Variants in MGAM2 observed in about 807,000 individuals in gnomAD.
MGAM2 encodes the protein maltase-glucoamylase 2 (putative), also known as probable maltase-glucoamylase 2.
Under a neutral mutation model 96.1 loss-of-function variants are expected in MGAM2, and 98 were observed. The observed-to-expected ratio is 1.02, with a 90% CI of 0.87 to 1.21. MGAM2 has a LOEUF of 1.21. MGAM2 is among the 50% of genes most tolerant of loss of function. The pLI is 0.00. For synonymous variants in MGAM2, 749 were observed against 414.8 expected, an observed-to-expected ratio of 1.81 and a Z score of -9.79; for missense variants, 2,055 against 1,182.4, an observed-to-expected ratio of 1.74 and a Z score of -10.82.
Position 142,161,126 on chromosome 7 carries a change from C to T in MGAM2, c.2347C>T (p.Arg783Trp), listed in dbSNP as rs764584921. Residue 783 changes from arginine (R) to tryptophan (W), a missense_variant and splice_region_variant, in exon 22 of 48, where the codon CGG becomes TGG. By Grantham distance (101) the Arg-to-Trp change is moderately radical. Transcript: ENST00000477922. ...AAACTGGGAAGTACTCTTTTACAGC[C>T]GGAGGAATTCCCTGGGACTCATCAT... ...QKPNTTTEASRRNSLGLIIAL... is the reference protein window; with the variant it reads ...QKPNTTTEASWRNSLGLIIAL... 1.1e-4 allele frequency: 74 copies of T among 702,208 alleles called. No homozygotes were observed. Among genetic ancestry groups the T allele is most frequent in the African/African-American group, 7.2e-4 (41 of 57,202 alleles). 43.5% of individuals were successfully genotyped at this position (702,208 alleles called of 1,614,324 possible).
intron 45 of MGAM2, among the ~76,000 whole-genome samples, chr7:142,202,239 C>T (rs550191992): frequency 5.9e-5 from 9 of 152,240 alleles, no homozygotes; most frequent in South Asian, 4.1e-4. Context: ...TATCCATAGG[C>T]GGTTGGTTCC....
chr7:142,168,614 T>A (rs1307986551), intron 26 of MGAM2, among the ~76,000 whole-genome samples: 1 of 152,148 alleles, frequency 6.6e-6, no homozygotes, highest in East Asian at 1.9e-4. Context: ...AGGCTGATGC[T>A]GCAGGTCAAG....
intron 31 of MGAM2, among the ~76,000 whole-genome samples, chr7:142,173,614 T>G (rs1171036538): frequency 6.6e-6 from 1 of 152,212 alleles, no homozygotes; most frequent in African/African-American, 2.4e-5. Context: ...CTTTTCCAAA[T>G]TTTGGCTTAT....
chr7:142,156,373 G>A (rs1016449083), intron 17 of MGAM2, among the ~76,000 whole-genome samples: 10 of 152,052 alleles, frequency 6.6e-5, no homozygotes, highest in South Asian at 2.1e-4. Context: ...GTAGCATATC[G>A]CAATTTGTAT....
chr7:142,155,698 G>A (rs1795714130), intron 17 of MGAM2, among the ~76,000 whole-genome samples: 1 of 152,150 alleles, frequency 6.6e-6, no homozygotes, highest in Non-Finnish European at 1.5e-5. Context: ...AGGTGGGTGG[G>A]TGCTCTTCAT....
chr7:142,164,417 C>G (rs541600971), intron 23 of MGAM2, among the ~76,000 whole-genome samples: 10 of 152,284 alleles, frequency 6.6e-5, no homozygotes, highest in Non-Finnish European at 1.3e-4. Context: ...GTGCCTGTCA[C>G]ATAATACACA....
intron 1 of MGAM2, among the ~76,000 whole-genome samples, chr7:142,113,709 C>T (rs1778432103): frequency 6.6e-6 from 1 of 151,938 alleles, no homozygotes; most frequent in African/African-American, 2.4e-5. Flanking sequence ...AATCTAAATC[C>T]CTGGGCTAGA....
At chr7:142,198,316 G>C in intron 43 of MGAM2, 121 bp downstream of exon 43, 1 of 620,498 alleles carries the variant, frequency 1.6e-6, no homozygotes. Context: ...TTTAGCCTTG[G>C]CAAGGCTTGT....
chr7:142,153,744 T>C (rs1795651439), intron 15 of MGAM2, among the ~76,000 whole-genome samples: 1 of 152,188 alleles, frequency 6.6e-6, no homozygotes, highest in Admixed American at 6.5e-5. Context: ...CAGATCCAAC[T>C]AGACAGAGAA....
chr7:142,117,010 G>A (rs1206619258), intron 2 of MGAM2, 31 bp downstream of exon 2: 1 of 702,708 alleles, frequency 1.4e-6, no homozygotes, highest in Non-Finnish European at 2.6e-6. Flanking sequence ...TTGGAAGGCT[G>A]GGTAAAGGAA....
chr7:142,169,110 A>G (rs1368273042), intron 26 of MGAM2, among the ~76,000 whole-genome samples: 1 of 152,172 alleles, frequency 6.6e-6, no homozygotes, highest in African/African-American at 2.4e-5. Context: ...GGGTCTAAGA[A>G]ACATAATTTC....
chr7:142,143,344 A>G (rs1795290267), intron 12 of MGAM2, among the ~76,000 whole-genome samples: 2 of 152,116 alleles, frequency 1.3e-5, no homozygotes, highest in Non-Finnish European at 2.9e-5. Flanking sequence ...AATATTGCTT[A>G]TATGCCAAAA....
intron 14 of MGAM2, among the ~76,000 whole-genome samples, chr7:142,146,271 G>A (rs1017640173): frequency 6.7e-6 from 1 of 150,266 alleles, no homozygotes; most frequent in Non-Finnish European, 1.5e-5. Context: ...TGGTGGACAC[G>A]GCCACTTTTG....
chr7:142,166,645 C>T (rs1242162442), intron 25 of MGAM2, among the ~76,000 whole-genome samples: 1 of 152,122 alleles, frequency 6.6e-6, no homozygotes, highest in Non-Finnish European at 1.5e-5. Context: ...CTCTAGATTA[C>T]ATGGGAGGCA....
At chr7:142,153,190 T>G (rs1324885443) in intron 15 of MGAM2, among the ~76,000 whole-genome samples, 4 of 151,958 alleles carry the variant, frequency 2.6e-5, no homozygotes, top group African/African-American at 9.7e-5. Context: ...TTAGTAGAGA[T>G]GGGGTTTCAC....
At chr7:142,172,502 C>T (rs1393320419) in intron 29 of MGAM2, 150 bp from the exon 30 acceptor site, 2 of 570,040 alleles carry the variant, frequency 3.5e-6, no homozygotes, top group South Asian at 4.6e-5. Context: ...CCTGCAAATA[C>T]ACCTCTGATT....
chr7:142,198,127 T>C lies in MGAM2; in HGVS notation c.4867-12T>C, dbSNP rs1164242881. On this transcript the variant is annotated splice_polypyrimidine_tract_variant and intron_variant, in intron 42 of 47. Coordinates refer to ENST00000477922, the MANE Select transcript of MGAM2 (RefSeq NM_001293626.2). ...GAAATATTCATAATGACATGTCAAT[T>C]TTATGTTTCAGAGCACATTTGAGAT... is the stretch of plus-strand genomic sequence containing the variant. 1.4e-6 allele frequency: 1 copy of C among 701,724 alleles called. No homozygotes were observed. The highest frequency in any genetic ancestry group is 2.6e-6 in the Non-Finnish European group (1 of 384,466). The allele number at this position is 701,724 out of a possible 1,614,324, so 43.5% of individuals were successfully genotyped here.
At chr7:142,157,177 T>G (rs1795759556) in intron 17 of MGAM2, among the ~76,000 whole-genome samples, 1 of 152,206 alleles carries the variant, frequency 6.6e-6, no homozygotes, top group African/African-American at 2.4e-5. Flanking sequence ...TTACAGACCA[T>G]GGTGGCAGGC....
At chr7:142,128,718 A>G (rs1374504124) in intron 3 of MGAM2, among the ~76,000 whole-genome samples, 3 of 152,184 alleles carry the variant, frequency 2.0e-5, no homozygotes, top group Non-Finnish European at 2.9e-5. Flanking sequence ...GAAGTCAAGC[A>G]CCGAGGTATA....
Sources: gnomAD v4.1 joint callset for allele counts (sites outside exome capture counted in the v4.1 genomes callset) on GRCh38, gnomAD v4.1.1 for gene constraint, MANE v1.5 for transcripts, NCBI Gene and HGNC (gene_info 2026-07-23, HGNC 2026-07-21) for gene names.